Variants in SLC24A2 observed in about 807,000 individuals in gnomAD.
The protein encoded by SLC24A2 is sodium/potassium/calcium exchanger 2.
A neutral mutation model predicts 62.0 loss-of-function variants in SLC24A2; 36 were observed. The observed-to-expected ratio is 0.58, with a 90% CI of 0.44 to 0.77. The LOEUF (loss-of-function observed/expected upper bound fraction) is 0.77. Ranked by LOEUF, SLC24A2 falls within the 30% of genes least tolerant of loss-of-function variation. The pLI is 0.00. For missense variants in SLC24A2, 846 were observed against 817.9 expected (o/e 1.03, Z -0.42); for synonymous variants, 358 against 294.0 (o/e 1.22, Z -2.23).
chr9:19,831,548 A>C, the SLC24A2 span, among the ~76,000 whole-genome samples: 50 of 152,244 alleles, frequency 3.3e-4, no homozygotes, highest in Admixed American at 3.3e-3. Flanking sequence ...AATCAGTTCA[A>C]ACAACTGTAG....
chr9:20,019,251 A>AAG, the SLC24A2 span, among the ~76,000 whole-genome samples: 17 of 75,936 alleles, frequency 2.2e-4, no homozygotes, highest in Non-Finnish European at 4.2e-4. Flanking sequence ...GAAAGAAGGA[A>AAG]AGAGAAAGAA....
intron 2 of SLC24A2, among the ~76,000 whole-genome samples, chr9:19,689,707 C>A (rs921561934): frequency 1.3e-5 from 2 of 152,140 alleles, no homozygotes; most frequent in African/African-American, 4.8e-5. Context: ...TCCTGCCCAG[C>A]ACCTACCTCT....
chr9:19,627,994 T>A (rs1285091380), intron 2 of SLC24A2, among the ~76,000 whole-genome samples: 1 of 152,254 alleles, frequency 6.6e-6, no homozygotes, highest in African/African-American at 2.4e-5. Context: ...CACAAACTTT[T>A]AGAAATGAAT....
At chr9:20,248,464 C>G in the SLC24A2 span, among the ~76,000 whole-genome samples, 1 of 152,146 alleles carries the variant, frequency 6.6e-6, no homozygotes, top group Admixed American at 6.5e-5. Context: ...ATGGTGAAGG[C>G]CCTTTTCCTG....
At chr9:20,055,975 T>C in the SLC24A2 span, among the ~76,000 whole-genome samples, 1 of 152,196 alleles carries the variant, frequency 6.6e-6, no homozygotes, top group African/African-American at 2.4e-5. Flanking sequence ...AGCTATGCTA[T>C]GGTAGAAATA....
At chr9:19,751,300 GA>G (rs1212759341) in intron 2 of SLC24A2, among the ~76,000 whole-genome samples, 1 of 152,204 alleles carries the variant, frequency 6.6e-6, no homozygotes, top group African/African-American at 2.4e-5. Context: ...CCATATGACA[GA>G]GAAAGAAAGC....
intron 3 of SLC24A2, among the ~76,000 whole-genome samples, chr9:19,620,696 T>A (rs1053560845): frequency 6.6e-6 from 1 of 152,202 alleles, no homozygotes; most frequent in East Asian, 1.9e-4. Context: ...TTTGTGTTGA[T>A]CATCACAAGA....
chr9:19,519,501 G>A (rs536926480), intron 10 of SLC24A2, among the ~76,000 whole-genome samples: 10 of 152,158 alleles, frequency 6.6e-5, no homozygotes, highest in African/African-American at 9.6e-5. Context: ...TTTGGACCAC[G>A]GAACTGAGAA....
intron 4 of SLC24A2, among the ~76,000 whole-genome samples, chr9:19,605,747 C>G (rs1451846299): frequency 2.0e-5 from 3 of 152,200 alleles, no homozygotes; most frequent in African/African-American, 7.2e-5. Context: ...GTGGCAAGCA[C>G]TGTTCTATGT....
At chr9:20,037,463 T>C in the SLC24A2 span, among the ~76,000 whole-genome samples, 2 of 152,310 alleles carry the variant, frequency 1.3e-5, no homozygotes, top group South Asian at 4.1e-4. Flanking sequence ...GTTGATTCTA[T>C]AACTCAGCTA....
the SLC24A2 span, among the ~76,000 whole-genome samples, chr9:20,098,152 G>C: frequency 2.0e-5 from 3 of 152,130 alleles, no homozygotes. Flanking sequence ...TTAGCTATCA[G>C]GTTCTGAAAA....
chr9:20,222,228 G>A, the SLC24A2 span, among the ~76,000 whole-genome samples: 152 of 151,800 alleles, frequency 1.0e-3, 1 homozygote, highest in East Asian at 0.02. Context: ...ACAGGAGGAA[G>A]GAGAAAAGAA....
At chr9:19,989,276 GTC>G in the SLC24A2 span, among the ~76,000 whole-genome samples, 1 of 152,098 alleles carries the variant, frequency 6.6e-6, no homozygotes, top group African/African-American at 2.4e-5. Context: ...CCTTGGAAGA[GTC>G]TCTTAGTCTC....
At chr9:20,165,323 T>C in the SLC24A2 span, among the ~76,000 whole-genome samples, 1 of 151,870 alleles carries the variant, frequency 6.6e-6, no homozygotes, top group Non-Finnish European at 1.5e-5. Flanking sequence ...GAAGTTCATT[T>C]GGAAAAATAA....
the SLC24A2 span, among the ~76,000 whole-genome samples, chr9:20,210,405 C>T: frequency 1.3e-5 from 2 of 152,054 alleles, no homozygotes; most frequent in Non-Finnish European, 2.9e-5. Context: ...AAAAGACAAA[C>T]ATTTGGCTAA....
At chr9:19,881,161 A>G in the SLC24A2 span, among the ~76,000 whole-genome samples, 1 of 152,208 alleles carries the variant, frequency 6.6e-6, no homozygotes, top group Non-Finnish European at 1.5e-5. Flanking sequence ...ATTTAAAGCC[A>G]TTATACTCAG....
chr9:19,599,082 T>G lies in SLC24A2; in HGVS notation c.1079-1803A>C, dbSNP rs112852113. Among the ~76,000 whole-genome samples, 1,114 of 152,368 alleles carry G rather than the reference T, an allele frequency of 7.3e-3. 19 individuals carry two copies. Among genetic ancestry groups the G allele is most frequent in the African/African-American group, 0.025 (1,054 of 41,574 alleles). The stretch of plus-strand genomic sequence containing the variant: ...ATTTTTGTAGACGCAAACCTCTGTA[T>G]GCACACACTTATTTTCACATATCAA... On this transcript the variant is annotated intron_variant, in intron 4 of 10. Transcript: ENST00000341998. This position sits in a 1 kb window ranked among gnomAD's most constrained non-coding sequence, Gnocchi z 4.5.
the SLC24A2 span, among the ~76,000 whole-genome samples, chr9:20,296,040 G>T: frequency 6.6e-6 from 1 of 152,196 alleles, no homozygotes; most frequent in Non-Finnish European, 1.5e-5. Context: ...TGTGAAAGTT[G>T]TTCCCTCTAA....
At chr9:19,618,504 G>A (rs771791381) in intron 4 of SLC24A2, among the ~76,000 whole-genome samples, 13 of 152,286 alleles carry the variant, frequency 8.5e-5, no homozygotes, top group African/African-American at 2.2e-4. Context: ...AAGGAGAGGC[G>A]ACCCTGTGTT....
Sources: allele counts gnomAD v4.1 joint callset (sites outside exome capture counted in the v4.1 genomes callset), GRCh38; gene constraint gnomAD v4.1.1; non-coding constraint Gnocchi (gnomAD v3.1); transcripts MANE v1.5; gene names NCBI Gene and HGNC (gene_info 2026-07-23, HGNC 2026-07-21).